Variants in RANBP2 observed in about 807,000 individuals in gnomAD.
RANBP2 encodes the protein E3 SUMO-protein ligase RanBP2.
Under a neutral mutation model 303.6 loss-of-function variants are expected in RANBP2, and 57 were observed. The observed-to-expected ratio is 0.19, with a 90% CI of 0.15 to 0.23. The LOEUF is 0.23. RANBP2 is among the 10% of genes least tolerant of loss of function. The pLI is 1.00. For synonymous variants in RANBP2, 1,167 were observed against 1,301.5 expected (o/e 0.90, Z 2.23); for missense variants, 3,138 against 3,780.8 (o/e 0.83, Z 4.46).
At chr2:108,867,266 C>A in the RANBP2 span, among the ~76,000 whole-genome samples, 23 of 152,162 alleles carry the variant, frequency 1.5e-4, no homozygotes, top group Admixed American at 1.3e-3. Context: ...AAGAGAGAAG[C>A]TCCCCGCTGG....
chr2:109,380,515 G>C, the RANBP2 span, among the ~76,000 whole-genome samples: 306 of 152,334 alleles, frequency 2.0e-3, 1 homozygote, highest in South Asian at 5.2e-3. Context: ...AAGCTGGGAA[G>C]CTTGCAGCAG....
At chr2:109,004,938 G>A in the RANBP2 span, among the ~76,000 whole-genome samples, 2 of 152,198 alleles carry the variant, frequency 1.3e-5, no homozygotes, top group African/African-American at 2.4e-5. Context: ...TATTGTCCAC[G>A]CTATCACTAA....
chr2:109,202,487 C>T, the RANBP2 span, among the ~76,000 whole-genome samples: 13 of 152,208 alleles, frequency 8.5e-5, no homozygotes, highest in Non-Finnish European at 1.9e-4. Flanking sequence ...CCCTGGGGCG[C>T]GTTCTTGTTC....
At chr2:108,727,985 C>A (rs1694865295) in intron 1 of RANBP2, among the ~76,000 whole-genome samples, 1 of 152,138 alleles carries the variant, frequency 6.6e-6, no homozygotes, top group Non-Finnish European at 1.5e-5. Context: ...TTGAAGAATT[C>A]AATATTTATT....
the RANBP2 span, among the ~76,000 whole-genome samples, chr2:109,169,043 G>A: frequency 2.0e-5 from 3 of 152,172 alleles, no homozygotes; most frequent in Non-Finnish European, 2.9e-5. Context: ...GTCACTGAGG[G>A]CTGAGAAGTG....
chr2:109,686,170 G>A, the RANBP2 span, among the ~76,000 whole-genome samples: 1 of 152,068 alleles, frequency 6.6e-6, no homozygotes, highest in Admixed American at 6.6e-5. Flanking sequence ...TGGGGAGCTG[G>A]GAGAAAGGTG....
At chr2:109,422,130 C>T in the RANBP2 span, among the ~76,000 whole-genome samples, 10 of 152,224 alleles carry the variant, frequency 6.6e-5, no homozygotes, top group African/African-American at 2.4e-4. Flanking sequence ...AAAATAGCCT[C>T]TGTAAGTCAC....
At chr2:109,517,301 CTT>C in the RANBP2 span, among the ~76,000 whole-genome samples, 1 of 152,202 alleles carries the variant, frequency 6.6e-6, no homozygotes, top group Non-Finnish European at 1.5e-5. Context: ...CAGCCCCCCT[CTT>C]TATCCCCGGA....
chr2:109,294,116 C>T, the RANBP2 span, among the ~76,000 whole-genome samples: 5 of 152,166 alleles, frequency 3.3e-5, no homozygotes, highest in African/African-American at 9.7e-5. Context: ...TATGATTGCT[C>T]CTTGGGCCCC....
the RANBP2 span, among the ~76,000 whole-genome samples, chr2:108,941,423 C>T: frequency 1.3e-5 from 2 of 152,174 alleles, no homozygotes; most frequent in Admixed American, 1.3e-4. Context: ...CAGCCTTCCT[C>T]CCAGTCACCA....
chr2:109,549,987 A>G, the RANBP2 span, among the ~76,000 whole-genome samples: 1 of 152,118 alleles, frequency 6.6e-6, no homozygotes, highest in Non-Finnish European at 1.5e-5. Flanking sequence ...TGTAAACACT[A>G]CTTTTAAGGA....
At chr2:109,163,390 CTTTTT>C in the RANBP2 span, among the ~76,000 whole-genome samples, 6 of 70,264 alleles carry the variant, frequency 8.5e-5, no homozygotes, top group South Asian at 6.8e-4. Context: ...AGCAAATATT[CTTTTT>C]TTTTTTTTTT....
chr2:109,594,562 T>C, the RANBP2 span: 3 of 151,666 alleles, frequency 2.0e-5, no homozygotes, highest in African/African-American at 7.3e-5. Context: ...CTCTGTATAC[T>C]ACAGTGTGGT....
chr2:109,607,512 T>C, the RANBP2 span, among the ~76,000 whole-genome samples: 1 of 152,308 alleles, frequency 6.6e-6, no homozygotes, highest in Non-Finnish European at 1.5e-5. Flanking sequence ...AAATGGTCTG[T>C]GGCCCTCACC....
At chr2:109,250,046 C>T in the RANBP2 span, among the ~76,000 whole-genome samples, 1 of 151,092 alleles carries the variant, frequency 6.6e-6, no homozygotes. Flanking sequence ...TTATTTTTAC[C>T]ATGACTGACA....
At chr2:109,097,892 A>C in the RANBP2 span, among the ~76,000 whole-genome samples, 3 of 151,930 alleles carry the variant, frequency 2.0e-5, no homozygotes, top group Non-Finnish European at 4.4e-5. Context: ...TGGGTCCAGC[A>C]TGTCTTCCTG....
chr2:108,917,048 C>A, the RANBP2 span, among the ~76,000 whole-genome samples: 2 of 152,210 alleles, frequency 1.3e-5, no homozygotes, highest in Non-Finnish European at 2.9e-5. Context: ...AATGGAGCTG[C>A]CTTTTCAGCA....
At chr2:109,501,597 G>A in the RANBP2 span, 3 of 779,490 alleles carry the variant, frequency 3.8e-6, no homozygotes, top group Non-Finnish European at 7.2e-6. Flanking sequence ...GCGTGAGGAC[G>A]GCTGGTACAA....
At chr2:109,325,042 G>T in the RANBP2 span, among the ~76,000 whole-genome samples, 1 of 127,202 alleles carries the variant, frequency 7.9e-6, no homozygotes, top group Admixed American at 7.4e-5. Flanking sequence ...TAAAATGTGT[G>T]TGGTTTTTGT....
Sources: gnomAD v4.1 joint callset for allele counts (sites outside exome capture counted in the v4.1 genomes callset) on GRCh38, gnomAD v4.1.1 for gene constraint, MANE v1.5 for transcripts, NCBI Gene and HGNC (gene_info 2026-07-23, HGNC 2026-07-21) for gene names.